Variants in TENM3 observed in about 807,000 individuals in gnomAD.
The protein encoded by TENM3 is teneurin transmembrane protein 3.
A neutral mutation model predicts 255.1 loss-of-function variants in TENM3; 63 were observed. The ratio of observed to expected loss-of-function variants is 0.25; its 90% CI spans 0.20 to 0.30. The LOEUF (loss-of-function observed/expected upper bound fraction) is 0.30, where lower values mean the gene tolerates loss of function less well. Among genes scored for constraint, TENM3 ranks in the 10% least tolerant of loss-of-function variants. The pLI, the probability that TENM3 is intolerant of heterozygous loss-of-function variation, is 1.00. For synonymous variants in TENM3, 1,306 were observed against 1,322.3 expected, an observed-to-expected ratio of 0.99 and a Z score of 0.27; for missense variants, 2,929 against 3,461.1, an observed-to-expected ratio of 0.85 and a Z score of 3.86.
At chr4:181,553,740 C>A in the TENM3 span, among the ~76,000 whole-genome samples, 1 of 152,102 alleles carries the variant, frequency 6.6e-6, no homozygotes, top group Non-Finnish European at 1.5e-5. Context: ...CGCGCCCGGC[C>A]AATAGAAGGG....
intron 3 of TENM3, among the ~76,000 whole-genome samples, chr4:182,490,316 G>C (rs147332238): frequency 5.2e-4 from 79 of 152,212 alleles, no homozygotes; most frequent in African/African-American, 1.7e-3. Context: ...TGTTTAACTA[G>C]CCATGATAAC....
the TENM3 span, among the ~76,000 whole-genome samples, chr4:181,484,442 T>C: frequency 6.6e-6 from 1 of 152,154 alleles, no homozygotes; most frequent in East Asian, 1.9e-4. Flanking sequence ...CTGGTTTATC[T>C]AAAGTGAAAT....
At chr4:182,537,023 A>G (rs1183092326) in intron 3 of TENM3, among the ~76,000 whole-genome samples, 1 of 152,242 alleles carries the variant, frequency 6.6e-6, no homozygotes, top group Non-Finnish European at 1.5e-5. Context: ...AGTGTCCAGA[A>G]GAATGAAAGA....
chr4:182,012,573 G>T, the TENM3 span: 1 of 152,202 alleles, frequency 6.6e-6, no homozygotes, highest in African/African-American at 2.4e-5. Context: ...AAGAGAGAAA[G>T]AAACTCACAT....
chr4:182,447,963 T>G (rs1218098175), intron 3 of TENM3, among the ~76,000 whole-genome samples: 2 of 152,210 alleles, frequency 1.3e-5, no homozygotes, highest in Non-Finnish European at 2.9e-5. Context: ...AAACACAATT[T>G]TTTATAAAAA....
intron 3 of TENM3, among the ~76,000 whole-genome samples, chr4:182,435,202 G>A (rs772891497): frequency 1.8e-4 from 28 of 152,110 alleles, no homozygotes; most frequent in Non-Finnish European, 3.4e-4. Context: ...TGGAAGTTAC[G>A]GTTTTGTTCA....
chr4:181,746,679 T>G, the TENM3 span, among the ~76,000 whole-genome samples: 12 of 152,148 alleles, frequency 7.9e-5, no homozygotes, highest in African/African-American at 2.9e-4. Flanking sequence ...TATTTTTCCC[T>G]ATGCAGAAAT....
chr4:182,345,041 T>G (rs539616109), intron 2 of TENM3, among the ~76,000 whole-genome samples: 2 of 152,370 alleles, frequency 1.3e-5, no homozygotes, highest in South Asian at 2.1e-4. Context: ...ACATACTTTT[T>G]GGTTCAGATA....
At chr4:182,265,073 G>T (rs1759157601) in intron 1 of TENM3, among the ~76,000 whole-genome samples, 2 of 151,706 alleles carry the variant, frequency 1.3e-5, no homozygotes, top group African/African-American at 2.4e-5. Flanking sequence ...ACTCCGTTTT[G>T]GGAAAAAACC....
At chr4:181,590,020 G>A in the TENM3 span, among the ~76,000 whole-genome samples, 1 of 152,054 alleles carries the variant, frequency 6.6e-6, no homozygotes, top group Non-Finnish European at 1.5e-5. Context: ...CATATTTGAG[G>A]GTGCCTCTTC....
chr4:182,488,495 A>T (rs1394764355), intron 3 of TENM3, among the ~76,000 whole-genome samples: 2 of 152,190 alleles, frequency 1.3e-5, no homozygotes, highest in Admixed American at 6.5e-5. Flanking sequence ...GATATTAAAC[A>T]TAGTGCTGGA....
At chr4:181,772,432 T>C in the TENM3 span, among the ~76,000 whole-genome samples, 1 of 152,080 alleles carries the variant, frequency 6.6e-6, no homozygotes, top group Non-Finnish European at 1.5e-5. Flanking sequence ...TTTTAAACTA[T>C]ATGAGCTATT....
At position 182,753,479 on chromosome 4, in the gene TENM3, T is replaced by C; in HGVS notation, c.3892T>C (p.Tyr1298His). The change falls in exon 21 of 28, where the codon TAC (tyrosine) becomes CAC (histidine). Residue 1298 changes from tyrosine (Y) to histidine (H), a missense_variant. Around this residue, in one of 6 missense-constraint regions of TENM3, gnomAD observed 1,608 missense variants for 1,884.4 expected, o/e 0.85. Coordinates refer to ENST00000511685, the MANE Select transcript of TENM3 (RefSeq NM_001080477.4). ...GMAVDKNGLI[Y>H]FVDGTMIRKV... ...GGCAGTTGATAAGAATGGATTAATC[T>C]ACTTTGTTGATGGAACCATGATTAG... 6.2e-7 allele frequency: 1 copy of C among 1,613,866 alleles called. No homozygotes were observed. The highest frequency in any genetic ancestry group is 8.5e-7 in the Non-Finnish European group (1 of 1,179,780).
chr4:182,632,951 G>A (rs4455460), intron 5 of TENM3, among the ~76,000 whole-genome samples: 51,367 of 151,562 alleles, frequency 0.34, 9,007 homozygotes, highest in Middle Eastern at 0.42. Flanking sequence ...TTTTTTCAAG[G>A]CAAGATCTCA....
At chr4:182,364,849 G>A (rs1200363461) in intron 3 of TENM3, among the ~76,000 whole-genome samples, 4 of 151,990 alleles carry the variant, frequency 2.6e-5, no homozygotes, top group Admixed American at 6.6e-5. Context: ...TTGAACTTTC[G>A]CTACTATAAG....
At chr4:181,653,826 A>G in the TENM3 span, among the ~76,000 whole-genome samples, 1 of 151,292 alleles carries the variant, frequency 6.6e-6, no homozygotes, top group East Asian at 2.0e-4. Flanking sequence ...TAAGCCCCAC[A>G]TATATTAGGT....
At chr4:181,950,330 ACTC>A in the TENM3 span, among the ~76,000 whole-genome samples, 1 of 149,006 alleles carries the variant, frequency 6.7e-6, no homozygotes, top group Non-Finnish European at 1.5e-5. Flanking sequence ...CCCTTTTCGG[ACTC>A]AGCCCGCCTG....
At chr4:181,809,547 T>G in the TENM3 span, among the ~76,000 whole-genome samples, 10 of 152,268 alleles carry the variant, frequency 6.6e-5, no homozygotes, top group African/African-American at 2.4e-4. Flanking sequence ...TATCCACCAA[T>G]TAGCTTCCTG....
At chr4:182,410,362 C>T (rs1580447455) in intron 3 of TENM3, among the ~76,000 whole-genome samples, 2 of 152,144 alleles carry the variant, frequency 1.3e-5, no homozygotes. Context: ...CTTGTGTGGT[C>T]CTGAGTGCAC....
Sources: allele counts gnomAD v4.1 joint callset (sites outside exome capture counted in the v4.1 genomes callset), GRCh38; gene constraint gnomAD v4.1.1; regional missense constraint gnomAD v4.1.1; transcripts MANE v1.5; gene names NCBI Gene and HGNC (gene_info 2026-07-23, HGNC 2026-07-21).